Variants in MTERF4 observed in about 807,000 individuals in gnomAD.
MTERF4 encodes transcription termination factor 4, mitochondrial.
Under a neutral mutation model 22.5 loss-of-function variants are expected in MTERF4, and 17 were observed. That is an observed-to-expected ratio of 0.75 (90% CI 0.52 to 1.13). MTERF4 has a LOEUF of 1.13. Ranked by LOEUF, MTERF4 falls within the 50% of genes most tolerant of loss-of-function variation. MTERF4 has a pLI of 0.00. For synonymous variants in MTERF4, 165 were observed against 175.3 expected (o/e 0.94, Z 0.47); for missense variants, 420 against 466.8 (o/e 0.90, Z 0.92).
At chr2:241,063,054 A>C in the MTERF4 span, 1 of 604,002 alleles carries the variant, frequency 1.7e-6, no homozygotes, top group Non-Finnish European at 2.9e-6. Context: ...GACATCCAAG[A>C]CAAAGATTTT....
Position 241,099,726 on chromosome 2 carries a change from C to T in MTERF4, c.190G>A (p.Val64Met), listed in dbSNP as rs765458774. 6.2e-7 allele frequency: 1 copy of T among 1,614,206 alleles called. No homozygotes were observed. The highest frequency in any genetic ancestry group is 1.1e-5 in the South Asian group (1 of 91,078). Residue 64 changes from valine to methionine, a missense_variant, in exon 2 of 4, where the codon GTG becomes ATG. By Grantham distance (21) the Val-to-Met change is conservative (BLOSUM62 1). Coordinates refer to ENST00000391980, the MANE Select transcript of MTERF4 (RefSeq NM_182501.4). ...ELSCVRSNNY[V>M]QEPECRRNLV... ...TTCCTCCTGCACTCTGGTTCCTGCA[C>T]ATAGTTATTGGATCTAACACAAGAT...
At chr2:241,064,302 T>A in the MTERF4 span, among the ~76,000 whole-genome samples, 1 of 151,338 alleles carries the variant, frequency 6.6e-6, no homozygotes, top group Non-Finnish European at 1.5e-5. This position sits in a 1 kb window ranked among gnomAD's most constrained non-coding sequence, Gnocchi z 7.0. Context: ...CCTGTCTCCC[T>A]TGGTCCCACA....
At chr2:241,071,065 CAGAGTG>C (rs1575056411), downstream of MTERF4, among the ~76,000 whole-genome samples, 1 of 152,146 alleles carries the variant, frequency 6.6e-6, no homozygotes, top group East Asian at 1.9e-4. Context: ...GAGCCGGCGT[CAGAGTG>C]AGAGGGAGAG....
At chr2:241,058,351 T>C in the MTERF4 span, among the ~76,000 whole-genome samples, 2 of 152,016 alleles carry the variant, frequency 1.3e-5, no homozygotes, top group African/African-American at 4.8e-5. Flanking sequence ...ATTTCAAACT[T>C]GATTAATTAA....
the MTERF4 span, among the ~76,000 whole-genome samples, chr2:241,046,010 A>G: frequency 6.6e-6 from 1 of 152,252 alleles, no homozygotes; most frequent in Non-Finnish European, 1.5e-5. Flanking sequence ...TTGAACGGAT[A>G]CTTGGCCACA....
chr2:241,100,119 T>C (rs563436378), intron 1 of MTERF4: 3 of 494,134 alleles, frequency 6.1e-6, no homozygotes, highest in East Asian at 6.8e-5. Flanking sequence ...AGGTACAATA[T>C]TGTTAGCTTT....
chr2:241,089,939 C>T (rs1452230888), downstream of MTERF4: 2 of 1,537,586 alleles, frequency 1.3e-6, no homozygotes, highest in African/African-American at 1.4e-5. Context: ...ACGTAGAAAA[C>T]CTACAGTAAA....
chr2:241,063,653 A>C, the MTERF4 span: 9 of 1,612,460 alleles, frequency 5.6e-6, no homozygotes, highest in Non-Finnish European at 6.8e-6. Context: ...CCAGGGGCCT[A>C]TGTCTGCCGG....
At chr2:241,065,141 C>G in the MTERF4 span, among the ~76,000 whole-genome samples, 5 of 152,084 alleles carry the variant, frequency 3.3e-5, no homozygotes, top group Admixed American at 1.3e-4. Context: ...AAAGTGTGAC[C>G]CTCCTGGAGG....
downstream of MTERF4, chr2:241,071,417 G>A: frequency 3.9e-6 from 3 of 778,898 alleles, no homozygotes; most frequent in South Asian, 5.1e-5. Context: ...GGGCATCTGG[G>A]GAAGCCACAA....
chr2:241,071,748 G>A (rs770325433), downstream of MTERF4: 21 of 1,231,674 alleles, frequency 1.7e-5, no homozygotes, highest in African/African-American at 4.1e-5. Flanking sequence ...CGGCCCCATC[G>A]CCCGAGGCGG....
the MTERF4 span, chr2:241,051,943 C>T: frequency 8.2e-6 from 12 of 1,469,250 alleles, no homozygotes; most frequent in Admixed American, 2.0e-5. This position sits in a 1 kb window ranked among gnomAD's most constrained non-coding sequence, Gnocchi z 4.7. Flanking sequence ...TCCCTGCCAG[C>T]TGTGGGTCTG....
chr2:241,046,585 TTC>T, the MTERF4 span, among the ~76,000 whole-genome samples: 41 of 152,340 alleles, frequency 2.7e-4, 3 homozygotes, highest in South Asian at 8.5e-3. Context: ...CTAAATGGCA[TTC>T]TTCGTAAAAC....
intron 1 of MTERF4, among the ~76,000 whole-genome samples, chr2:241,100,357 AC>A: frequency 6.6e-6 from 1 of 152,284 alleles, no homozygotes; most frequent in African/African-American, 2.4e-5. Context: ...CGCCTCTGCC[AC>A]CCTTGAGACA....
chr2:241,087,482 C>G (rs1324994012), downstream of MTERF4: 1 of 1,597,454 alleles, frequency 6.3e-7, no homozygotes, highest in Admixed American at 1.7e-5. Flanking sequence ...ACAGGTGCCT[C>G]TGGGGAGCAG....
intron 4 of MTERF4, chr2:241,081,600 A>C (rs977457294): frequency 2.5e-5 from 26 of 1,030,920 alleles, no homozygotes; most frequent in African/African-American, 9.4e-5. Flanking sequence ...GTCATCAAGG[A>C]AGGGACAGCA....
rs76842713 is a variant in MTERF4, at chr2:241,072,180, G to A, written n.3982C>T. 1,373 of 630,216 alleles carry A rather than the reference G, an allele frequency of 2.2e-3. 16 individuals carry two copies. The African/African-American group carries it at 0.022, about 10-fold the overall frequency. The allele number at this position is 630,216 out of a possible 1,614,324, so 39.0% of individuals were successfully genotyped here. Reference sequence around the variant, plus strand: ...TTAGAAGCAGGTCTGAGACATTACAGCAGCTTTATTTGCCAAAGTAGGGCT... The same window carrying A: ...TTAGAAGCAGGTCTGAGACATTACAACAGCTTTATTTGCCAAAGTAGGGCT... On this transcript the variant is annotated non_coding_transcript_exon_variant, in exon 5 of 5. Transcript: ENST00000464344.
chr2:241,089,437 A>C, downstream of MTERF4: 1 of 1,548,478 alleles, frequency 6.5e-7, no homozygotes, highest in Non-Finnish European at 8.7e-7. Flanking sequence ...CTTTTCAGAT[A>C]TAGGCTCACA....
At chr2:241,057,839 AATAATAAG>A in the MTERF4 span, among the ~76,000 whole-genome samples, 3 of 152,016 alleles carry the variant, frequency 2.0e-5, no homozygotes, top group South Asian at 2.1e-4. Flanking sequence ...GAAGTAAGAT[AATAATAAG>A]ATAATAAGAT....
Sources: gnomAD v4.1 joint callset for allele counts (sites outside exome capture counted in the v4.1 genomes callset) on GRCh38, gnomAD v4.1.1 for gene constraint, Gnocchi (gnomAD v3.1) non-coding constraint, MANE v1.5 for transcripts, NCBI Gene and HGNC (gene_info 2026-07-23, HGNC 2026-07-21) for gene names.